Variants in TRIM44 observed in about 807,000 individuals in gnomAD.
The protein encoded by TRIM44 is tripartite motif-containing protein 44.
In TRIM44, 13 loss-of-function variants were observed where a neutral mutation model predicts 37.4. The ratio of observed to expected loss-of-function variants is 0.35; its 90% CI spans 0.23 to 0.55. The LOEUF is 0.55. TRIM44 is among the 20% of genes least tolerant of loss of function. The probability of loss-of-function intolerance (pLI) is 0.89; values close to 1 mark genes in which losing one functional copy is unlikely to be tolerated. For missense variants in TRIM44, 426 were observed against 437.2 expected, an observed-to-expected ratio of 0.97 and a Z score of 0.23; for synonymous variants, 175 against 157.2, an observed-to-expected ratio of 1.11 and a Z score of -0.85.
chr11:35,687,706 G>GA (rs1851597568), intron 2 of TRIM44, among the ~76,000 whole-genome samples: 1 of 152,336 alleles, frequency 6.6e-6, no homozygotes, highest in Admixed American at 6.5e-5. Context: ...GCCAGAAAGT[G>GA]AAAGGTTTGA....
intron 3 of TRIM44, among the ~76,000 whole-genome samples, chr11:35,728,916 G>T (rs1175152543): frequency 6.6e-6 from 1 of 152,090 alleles, no homozygotes; most frequent in Non-Finnish European, 1.5e-5. Flanking sequence ...AAAGCAAATT[G>T]CAGCTTCTGG....
At chr11:35,723,703 A>G (rs541954601) in intron 2 of TRIM44, among the ~76,000 whole-genome samples, 2 of 152,314 alleles carry the variant, frequency 1.3e-5, no homozygotes, top group African/African-American at 4.8e-5. Flanking sequence ...TCCTAACTGA[A>G]CCACATGTGT....
intron 4 of TRIM44, among the ~76,000 whole-genome samples, chr11:35,779,890 T>TTTA (rs397798417): frequency 6.7e-6 from 1 of 149,664 alleles, no homozygotes; most frequent in Non-Finnish European, 1.5e-5. Context: ...TTTTTTTTTT[T>TTTA]ACTTTGTCAA....
intron 4 of TRIM44, among the ~76,000 whole-genome samples, chr11:35,785,866 A>T (rs1001739764): frequency 1.3e-5 from 2 of 152,170 alleles, no homozygotes; most frequent in Admixed American, 1.3e-4. Flanking sequence ...CTAGTCTCTC[A>T]ATTGCTGTGC....
intron 4 of TRIM44, among the ~76,000 whole-genome samples, chr11:35,782,260 C>T (rs1254407543): frequency 6.6e-6 from 1 of 152,128 alleles, no homozygotes; most frequent in African/African-American, 2.4e-5. Context: ...TGCTAAATCT[C>T]AGTCTTAAAG....
Position 35,813,861 on chromosome 11 carries a change from G to GCTGA in TRIM44, c.*7479_*7482dup, listed in dbSNP as rs1390716110. On this transcript the variant is annotated 3_prime_UTR_variant, in exon 5 of 5. Transcript: ENST00000299413. ...AAATCAAACAGTGTATATCCCCCTA[G>GCTGA]CTGACTTTTATTGTTTCATGAGCCT... 3.9e-5 allele frequency: 6 copies of GCTGA among 152,010 alleles called. No homozygotes were observed. In the South Asian group the frequency reaches 1.2e-3, roughly 31 times the overall value. 9.4% of individuals were successfully genotyped at this position (152,010 alleles called of 1,614,324 possible).
In TRIM44 at chr11:35,677,873, A is replaced by G. The variant is rs190036859; in HGVS notation, c.670-7386A>G. On this transcript the variant is annotated intron_variant, in intron 1 of 4. Coordinates refer to ENST00000299413, the MANE Select transcript of TRIM44 (RefSeq NM_017583.6). ...GAATAAACAAACTGGGGAAGGAGAT[A>G]GGGAGTGACTGGGATGTGGGAATGA... 1.8e-3 allele frequency among the ~76,000 whole-genome samples: 269 copies of G among 152,328 alleles called. 3 individuals carry two copies. The highest frequency in any genetic ancestry group is 2.3e-3 in the Non-Finnish European group (155 of 68,026).
intron 2 of TRIM44, among the ~76,000 whole-genome samples, chr11:35,719,414 AT>A (rs1242484330): frequency 6.6e-6 from 1 of 151,910 alleles, no homozygotes; most frequent in Non-Finnish European, 1.5e-5. Flanking sequence ...CAGGTTGTTC[AT>A]TTTCTTATTT....
intron 4 of TRIM44, among the ~76,000 whole-genome samples, chr11:35,785,985 C>A (rs1289828793): frequency 6.6e-6 from 1 of 152,144 alleles, no homozygotes; most frequent in Non-Finnish European, 1.5e-5. Context: ...CACTGCCATT[C>A]TTTTGTTGTG....
chr11:35,694,120 C>T (rs987000586), intron 2 of TRIM44, among the ~76,000 whole-genome samples: 5 of 152,168 alleles, frequency 3.3e-5, no homozygotes, highest in Non-Finnish European at 5.9e-5. Flanking sequence ...GCTGCACATA[C>T]ACAGATACTT....
At chr11:35,768,541 A>T (rs576487695) in intron 4 of TRIM44, among the ~76,000 whole-genome samples, 123 of 152,286 alleles carry the variant, frequency 8.1e-4, no homozygotes, top group African/African-American at 2.8e-3. Context: ...TCCCTGAAGG[A>T]TTCAAGGGGA....
intron 2 of TRIM44, among the ~76,000 whole-genome samples, chr11:35,717,408 G>T (rs1852051073): frequency 6.6e-6 from 1 of 152,132 alleles, no homozygotes; most frequent in African/African-American, 2.4e-5. Context: ...TTAAAGTCTG[G>T]TGTCAAAGGT....
chr11:35,680,447 T>G (rs1325175714), intron 1 of TRIM44, among the ~76,000 whole-genome samples: 1 of 150,658 alleles, frequency 6.6e-6, no homozygotes, highest in Non-Finnish European at 1.5e-5. Flanking sequence ...AAGGTTTTGT[T>G]TTTTTTTTTA....
intron 2 of TRIM44, among the ~76,000 whole-genome samples, chr11:35,689,775 A>G (rs1851619812): frequency 6.6e-6 from 1 of 152,138 alleles, no homozygotes; most frequent in African/African-American, 2.4e-5. Flanking sequence ...GGCTTGGAAA[A>G]CACGTTGATT....
At chr11:35,670,962 T>C (rs547757186) in intron 1 of TRIM44, among the ~76,000 whole-genome samples, 1 of 152,352 alleles carries the variant, frequency 6.6e-6, no homozygotes, top group East Asian at 1.9e-4. Flanking sequence ...TTTTAAATGT[T>C]TCGAGTGCAA....
intron 4 of TRIM44, among the ~76,000 whole-genome samples, chr11:35,740,959 A>G (rs941045325): frequency 1.3e-5 from 2 of 152,120 alleles, no homozygotes; most frequent in East Asian, 1.9e-4. Flanking sequence ...ATGAATAACC[A>G]TATGTTCTTA....
rs888238202 is a variant in TRIM44, at chr11:35,808,170, A to T, written c.*1785A>T. The T allele has an allele frequency of 7.0e-6, 1 of 141,916 alleles. No individual in the cohort carries two copies. The highest frequency in any genetic ancestry group is 2.6e-5 in the African/African-American group (1 of 38,708). The allele number at this position is 141,916 out of a possible 1,614,324, so 8.8% of individuals were successfully genotyped here. On this transcript the variant is annotated 3_prime_UTR_variant, in exon 5 of 5. Transcript: ENST00000299413. Reference sequence around the variant, plus strand: ...TTAGGATTGTCCTGACTCACTAAAGATGCCAGGATATTGGGGCTGAGGGGA... The same window carrying T: ...TTAGGATTGTCCTGACTCACTAAAGTTGCCAGGATATTGGGGCTGAGGGGA...
In TRIM44 at chr11:35,663,276, C is replaced by T. The variant is rs775924278; in HGVS notation, c.165C>T (p.His55=). The T allele has an allele frequency of 6.2e-7, 1 of 1,613,958 alleles. No homozygotes were observed. The highest frequency in any genetic ancestry group is 8.5e-7 in the Non-Finnish European group (1 of 1,179,856). ...AEAHRQKFLS[H]HLAEYVHGSQ... The stretch of plus-strand genomic sequence containing the variant: ...CGCACAGGCAGAAGTTCCTCAGTCA[C>T]CATCTGGCCGAATACGTCCACGGCT... The change falls in exon 1 of 5, where the codon CAC becomes CAT. Residue 55 remains histidine (H), a synonymous_variant. Coordinates refer to ENST00000299413, the MANE Select transcript of TRIM44 (RefSeq NM_017583.6).
intron 1 of TRIM44, among the ~76,000 whole-genome samples, chr11:35,677,195 C>T (rs937727909): frequency 6.6e-6 from 1 of 152,138 alleles, no homozygotes; most frequent in African/African-American, 2.4e-5. Context: ...GAATCCAGGC[C>T]TGACAAAGTA....
Sources: gnomAD v4.1 joint callset for allele counts (sites outside exome capture counted in the v4.1 genomes callset) on GRCh38, gnomAD v4.1.1 for gene constraint, MANE v1.5 for transcripts, NCBI Gene and HGNC (gene_info 2026-07-23, HGNC 2026-07-21) for gene names.